Variants in SLC4A10 observed in about 807,000 individuals in gnomAD.
The protein encoded by SLC4A10 is sodium-driven chloride bicarbonate exchanger.
SLC4A10 carries 42 observed loss-of-function variants against 137.7 expected under a neutral mutation model. That is an observed-to-expected ratio of 0.30 (90% confidence interval 0.24 to 0.39). The LOEUF (loss-of-function observed/expected upper bound fraction) is 0.39. Among genes scored for constraint, SLC4A10 ranks in the 10% least tolerant of loss-of-function variants. SLC4A10 has a pLI of 1.00. For missense variants in SLC4A10, 925 were observed against 1,355.0 expected, an observed-to-expected ratio of 0.68 and a Z score of 4.98; for synonymous variants, 474 against 464.1, an observed-to-expected ratio of 1.02 and a Z score of -0.27.
At chr2:161,669,488 A>G (rs751532270) in intron 1 of SLC4A10, among the ~76,000 whole-genome samples, 17 of 151,966 alleles carry the variant, frequency 1.1e-4, no homozygotes, top group Non-Finnish European at 2.2e-4. Context: ...TAATTTCATA[A>G]TTAAATGTGC....
At chr2:161,696,055 C>A (rs1390326722) in intron 1 of SLC4A10, among the ~76,000 whole-genome samples, 6 of 151,470 alleles carry the variant, frequency 4.0e-5, no homozygotes, top group Non-Finnish European at 7.4e-5. Context: ...AATGCTATCC[C>A]ACCCCACTTC....
intron 16 of SLC4A10, among the ~76,000 whole-genome samples, chr2:161,944,830 C>A (rs1033512143): frequency 6.6e-6 from 1 of 151,178 alleles, no homozygotes; most frequent in Non-Finnish European, 1.5e-5. Flanking sequence ...GAATTTTTTC[C>A]TCAATATATT....
At chr2:161,888,260 G>A (rs1037962540) in intron 10 of SLC4A10, among the ~76,000 whole-genome samples, 9 of 152,160 alleles carry the variant, frequency 5.9e-5, no homozygotes, top group Non-Finnish European at 1.5e-5. Flanking sequence ...GCTTAGGATT[G>A]TCATGGCCAT....
rs1424630460 is a variant in SLC4A10 at position 161,925,852 on chromosome 2, T to C, written c.1998-16940T>C. Reference sequence around the variant, plus strand: ...AGCAGGTTGTTCAGTTTCCATATAGTTGAGCGGTTTTGAGTGAGTTTCTTA... The same window carrying C: ...AGCAGGTTGTTCAGTTTCCATATAGCTGAGCGGTTTTGAGTGAGTTTCTTA... On this transcript the variant is annotated intron_variant, in intron 15 of 26. Transcript: ENST00000446997. 5.8e-4 allele frequency among the ~76,000 whole-genome samples: 89 copies of C among 152,196 alleles called. 1 individual carries two copies. The highest frequency in any genetic ancestry group is 2.6e-4 in the Non-Finnish European group (18 of 68,044).
chr2:161,708,674 T>C, intron 1 of SLC4A10: 1 of 1,500,546 alleles, frequency 6.7e-7, no homozygotes, highest in Non-Finnish European at 8.8e-7. Context: ...AGATCTGTTG[T>C]TTGATATTTT....
intron 1 of SLC4A10, among the ~76,000 whole-genome samples, chr2:161,729,617 AT>A (rs56695198): frequency 1.3e-5 from 2 of 151,620 alleles, no homozygotes; most frequent in African/African-American, 4.8e-5. Context: ...AATAAAGCGA[AT>A]TTTTTTTTCA....
At chr2:161,726,085 A>G (rs534780365) in intron 1 of SLC4A10, among the ~76,000 whole-genome samples, 40 of 152,308 alleles carry the variant, frequency 2.6e-4, no homozygotes, top group Non-Finnish European at 4.6e-4. Context: ...TGATGTCTCA[A>G]TAGATTATGT....
intron 3 of SLC4A10, among the ~76,000 whole-genome samples, chr2:161,818,295 G>A (rs962162266): frequency 1.3e-5 from 2 of 152,138 alleles, no homozygotes; most frequent in African/African-American, 4.8e-5. Flanking sequence ...TGTTATTGGT[G>A]TATAAGAATG....
intron 1 of SLC4A10, among the ~76,000 whole-genome samples, chr2:161,637,669 A>G (rs1389295417): frequency 2.0e-5 from 3 of 152,184 alleles, no homozygotes; most frequent in Non-Finnish European, 4.4e-5. Flanking sequence ...TTGTTGGGTC[A>G]TATGACAGTT....
chr2:161,844,997 G>A (rs866586021), intron 4 of SLC4A10, among the ~76,000 whole-genome samples: 3 of 152,090 alleles, frequency 2.0e-5, no homozygotes, highest in Middle Eastern at 3.4e-3. Flanking sequence ...TTCATGCTTT[G>A]AAACTCTTGT....
intron 4 of SLC4A10, among the ~76,000 whole-genome samples, chr2:161,844,239 T>C (rs1419235732): frequency 6.6e-6 from 1 of 152,132 alleles, no homozygotes; most frequent in East Asian, 1.9e-4. Flanking sequence ...GATTATTACA[T>C]CAGAACAATT....
intron 1 of SLC4A10, among the ~76,000 whole-genome samples, chr2:161,713,842 T>C (rs539398503): frequency 2.0e-5 from 3 of 151,990 alleles, no homozygotes; most frequent in African/African-American, 4.8e-5. Context: ...ACCAGAGGCA[T>C]TTTAGTATTG....
At chr2:161,959,040 A>G (rs916900082) in intron 21 of SLC4A10, among the ~76,000 whole-genome samples, 6 of 152,188 alleles carry the variant, frequency 3.9e-5, no homozygotes, top group African/African-American at 1.2e-4. Context: ...TATAGGAACC[A>G]CAAAAGTAAC....
intron 5 of SLC4A10, among the ~76,000 whole-genome samples, chr2:161,858,957 G>A (rs2125872556): frequency 6.6e-6 from 1 of 152,194 alleles, no homozygotes; most frequent in Middle Eastern, 3.4e-3. Flanking sequence ...ACAATCCTTG[G>A]TCTGAAAAGT....
At chr2:161,831,467 A>G (rs2058430629) in intron 3 of SLC4A10, among the ~76,000 whole-genome samples, 3 of 152,118 alleles carry the variant, frequency 2.0e-5, no homozygotes, top group African/African-American at 4.8e-5. Flanking sequence ...CTCATCATTC[A>G]ATAAAGTTTT....
At chr2:161,746,117 G>A (rs1342107417) in intron 1 of SLC4A10, among the ~76,000 whole-genome samples, 1 of 151,970 alleles carries the variant, frequency 6.6e-6, no homozygotes, top group South Asian at 2.1e-4. Context: ...AGGCTTAAGA[G>A]CTCTTTAGTA....
At chr2:161,675,885 C>T (rs1210469155) in intron 1 of SLC4A10, among the ~76,000 whole-genome samples, 3 of 152,332 alleles carry the variant, frequency 2.0e-5, no homozygotes, top group South Asian at 2.1e-4. Context: ...CTTTGTTCCT[C>T]TATGCCTATT....
At chr2:161,812,169 A>C (rs1360874863) in intron 3 of SLC4A10, among the ~76,000 whole-genome samples, 1 of 151,936 alleles carries the variant, frequency 6.6e-6, no homozygotes, top group Non-Finnish European at 1.5e-5. Flanking sequence ...TGTGTCCCTT[A>C]ATGAAGAAAA....
At chr2:161,864,675 G>A (rs760524345) in intron 6 of SLC4A10, among the ~76,000 whole-genome samples, 6 of 152,202 alleles carry the variant, frequency 3.9e-5, no homozygotes, top group Admixed American at 2.0e-4. Flanking sequence ...ACCAACTTGT[G>A]TTTGTAGATT....
Sources: allele counts gnomAD v4.1 joint callset (sites outside exome capture counted in the v4.1 genomes callset), GRCh38; gene constraint gnomAD v4.1.1; transcripts MANE v1.5; gene names NCBI Gene and HGNC (gene_info 2026-07-23, HGNC 2026-07-21).